The following KIF1A variants were observed in gnomAD, a reference collection of about 807,000 sequenced individuals.
The protein encoded by KIF1A is kinesin family member 1A, also known as kinesin-like protein KIF1A.
Under a neutral mutation model 227.3 loss-of-function variants are expected in KIF1A, and 46 were observed. The ratio of observed to expected loss-of-function variants is 0.20; its 90% CI spans 0.16 to 0.26. The LOEUF is 0.26. KIF1A is among the 10% of genes least tolerant of loss of function. The probability of loss-of-function intolerance (pLI) is 1.00; values close to 1 mark genes in which losing one functional copy is unlikely to be tolerated. For missense variants in KIF1A, 1,683 were observed against 2,485.9 expected, an observed-to-expected ratio of 0.68 and a Z score of 6.87; for synonymous variants, 1,022 against 1,012.8, an observed-to-expected ratio of 1.01 and a Z score of -0.17.
chr2:240,801,013 T>C (rs2126170046), intron 1 of KIF1A, among the ~76,000 whole-genome samples: 1 of 152,324 alleles, frequency 6.6e-6, no homozygotes, highest in South Asian at 2.1e-4. Flanking sequence ...TTTTTATTTT[T>C]ATTTTTTCAA....
At chr2:240,746,812 T>G (rs988104066) in intron 29 of KIF1A, among the ~76,000 whole-genome samples, 1 of 152,038 alleles carries the variant, frequency 6.6e-6, no homozygotes, top group Non-Finnish European at 1.5e-5. Flanking sequence ...GGACCGCAGG[T>G]AGGCAGCCTC....
At chr2:240,762,845 G>A (rs1159954764) in intron 22 of KIF1A, 33 bp from the exon 23 acceptor site, 2 of 1,545,564 alleles carry the variant, frequency 1.3e-6, no homozygotes, top group South Asian at 2.4e-5. Context: ...CTCCACTACG[G>A]CCCTACCTGC....
rs2052571318 is a variant in KIF1A at position 240,775,130 on chromosome 2, A to G, written c.958+721T>C. On this transcript the variant is annotated intron_variant, in intron 11 of 48. Transcript: ENST00000498729. This position sits in a 1 kb window ranked among gnomAD's most constrained non-coding sequence, Gnocchi z 5.5. Reference sequence around the variant, plus strand: ...CCTCCTCTCTCAGCGGGGCCCATCCATCCGCAGGCCTGCTGCGGTCTGCAA... The same window carrying G: ...CCTCCTCTCTCAGCGGGGCCCATCCGTCCGCAGGCCTGCTGCGGTCTGCAA... Among the ~76,000 whole-genome samples the G allele has an allele frequency of 6.6e-6, 1 of 152,204 alleles. No individual in the cohort carries two copies. Among genetic ancestry groups the G allele is most frequent in the Admixed American group, 6.5e-5 (1 of 15,288 alleles).
rs535400101 is a variant in KIF1A, at chr2:240,778,814, A to G, written c.883-2888T>C. Among the ~76,000 whole-genome samples, 7 of 151,102 alleles carry G rather than the reference A, an allele frequency of 4.6e-5. No individual in the cohort carries two copies. Among genetic ancestry groups the G allele is most frequent in the Non-Finnish European group, 8.9e-5 (6 of 67,770 alleles). On this transcript the variant is annotated intron_variant, in intron 10 of 48. Transcript: ENST00000498729. The surrounding 1 kb of genome is among the most constrained non-coding windows in gnomAD (Gnocchi z 7.2). ...CCTCACCGCTCCCCACGTTTCCCAA[A>G]CAGCTCCTCCCGCCATGGCTCACAC...
In KIF1A at chr2:240,797,806, G is replaced by T; in HGVS notation, c.-54C>A. 3 of 1,079,680 alleles carry T rather than the reference G, an allele frequency of 2.8e-6. No homozygotes were observed. The highest frequency in any genetic ancestry group is 2.5e-5 in the East Asian group (1 of 40,278). The allele number at this position is 1,079,680 out of a possible 1,614,324, so 66.9% of individuals were successfully genotyped here. A position where few individuals can be genotyped will look rare whatever the true frequency, so the allele number is the denominator to read the frequency against. On this transcript the variant is annotated 5_prime_UTR_variant, in exon 2 of 49. Coordinates refer to ENST00000498729, the MANE Select transcript of KIF1A (RefSeq NM_001244008.2). ...CAGTAGTGGGAGCCCCAGTGTGGGG[G>T]GAACACCTTGGAAAAAAGGGAAACA... is the stretch of plus-strand genomic sequence containing the variant.
chr2:240,790,977 G>A lies in KIF1A; in HGVS notation c.107-1665C>T, dbSNP rs370540922. 6.6e-6 allele frequency among the ~76,000 whole-genome samples: 1 copy of A among 152,168 alleles called. No individual in the cohort carries two copies. The highest frequency in any genetic ancestry group is 6.5e-5 in the Admixed American group (1 of 15,276). Reference sequence around the variant, plus strand: ...CCTCTGGCCAAGCGTCTTGCTGACAGCACAGGCATCACTGGCAGCCTTGTC... The same window carrying A: ...CCTCTGGCCAAGCGTCTTGCTGACAACACAGGCATCACTGGCAGCCTTGTC... On this transcript the variant is annotated intron_variant, in intron 2 of 48. Transcript: ENST00000498729. This position sits in a 1 kb window ranked among gnomAD's most constrained non-coding sequence, Gnocchi z 5.0.
At position 240,736,590 on chromosome 2, in the gene KIF1A, A is replaced by G. The variant is rs1210006937; in HGVS notation, c.4007+473T>C. Among the ~76,000 whole-genome samples the G allele has an allele frequency of 6.6e-6, 1 of 152,158 alleles. No homozygotes were observed. The highest frequency in any genetic ancestry group is 1.5e-5 in the Non-Finnish European group (1 of 68,020). Reference sequence around the variant, plus strand: ...CCAGACTGTGGGGTCTTGGCCGTGCAAGGAGTGTAGGAAGGAGCAGCCTGG... The same window carrying G: ...CCAGACTGTGGGGTCTTGGCCGTGCGAGGAGTGTAGGAAGGAGCAGCCTGG... On this transcript the variant is annotated intron_variant, in intron 38 of 48. Coordinates refer to ENST00000498729, the MANE Select transcript of KIF1A (RefSeq NM_001244008.2). The surrounding 1 kb of genome is among the most constrained non-coding windows in gnomAD (Gnocchi z 4.7).
chr2:240,775,746 G>T lies in KIF1A; in HGVS notation c.958+105C>A. ...TCACCTCCCAGCCTCAGCCCAGAAA[G>T]GGTGAGAGGCCTGCTGGCGACTGGG... is the stretch of plus-strand genomic sequence containing the variant. On this transcript the variant is annotated intron_variant, in intron 11 of 48. Transcript: ENST00000498729. The surrounding 1 kb of genome is among the most constrained non-coding windows in gnomAD (Gnocchi z 5.5). 1.3e-6 allele frequency: 1 copy of T among 773,322 alleles called. No homozygotes were observed. Among genetic ancestry groups the T allele is most frequent in the Non-Finnish European group, 2.3e-6 (1 of 436,592 alleles). The allele number at this position is 773,322 out of a possible 1,614,324, so 47.9% of individuals were successfully genotyped here.
rs1029622005 is a variant in KIF1A at position 240,775,452 on chromosome 2, G to A, written c.958+399C>T. On this transcript the variant is annotated intron_variant, in intron 11 of 48. Transcript: ENST00000498729. This position sits in a 1 kb window ranked among gnomAD's most constrained non-coding sequence, Gnocchi z 5.5. ...CTCAGAACTCAGACGGAGAAGAGGA[G>A]GTTTATGGCAGCCCCTCAAAATCCA... Among the ~76,000 whole-genome samples the A allele has an allele frequency of 2.6e-5, 4 of 152,326 alleles. 1 individual carries two copies. In the South Asian group the frequency reaches 8.3e-4, roughly 32 times the overall value.
chr2:240,776,039 G>T, intron 10 of KIF1A, 113 bp from the exon 11 acceptor site: 1 of 763,396 alleles, frequency 1.3e-6, no homozygotes, highest in South Asian at 1.5e-5. Flanking sequence ...GCTGGGCAAG[G>T]GGCGGGGCCC....
chr2:240,742,732 C>A (rs1235357023), intron 34 of KIF1A, among the ~76,000 whole-genome samples, 197 bp downstream of exon 34: 1 of 152,218 alleles, frequency 6.6e-6, no homozygotes. Flanking sequence ...CAGCTCCAGG[C>A]TACTCTCTGG....
In KIF1A at chr2:240,719,777, A is replaced by G. The variant is rs1423611277; in HGVS notation, c.5018T>C (p.Val1673Ala). The G allele has an allele frequency of 2.5e-6, 4 of 1,579,666 alleles. No individual in the cohort carries two copies. Among genetic ancestry groups the G allele is most frequent in the Middle Eastern group, 1.7e-4 (1 of 5,814 alleles). ...TTTCCAGGGAGGCCCCACACACCTGACTCGGATCTCCTGGATGTCAGGGAC... is the reference window on the plus strand; with the variant it reads ...TTTCCAGGGAGGCCCCACACACCTGGCTCGGATCTCCTGGATGTCAGGGAC... ...LLVPDIQEIR[V>A]SPIVSKKGYL... Residue 1673 changes from valine to alanine, a missense_variant, in exon 46 of 49, where the codon GTC (valine) becomes GCC (alanine). This residue lies in a region of KIF1A where 384 missense variants were observed against 410.1 expected (regional missense o/e 0.94). Coordinates refer to ENST00000498729, the MANE Select transcript of KIF1A (RefSeq NM_001244008.2).
At chr2:240,786,137 T>C (rs1335768710) in intron 6 of KIF1A, among the ~76,000 whole-genome samples, 198 bp downstream of exon 6, 1 of 152,150 alleles carries the variant, frequency 6.6e-6, no homozygotes, top group East Asian at 1.9e-4. Flanking sequence ...GAGGTGACAG[T>C]GTCCCCTGCA....
chr2:240,800,925 C>T (rs1247668879), intron 1 of KIF1A, among the ~76,000 whole-genome samples: 2 of 152,188 alleles, frequency 1.3e-5, no homozygotes, highest in Non-Finnish European at 2.9e-5. Flanking sequence ...AACCTGCCCT[C>T]GCTTGGTTTA....
Position 240,782,947 on chromosome 2 carries a change from C to G in KIF1A, c.864+97G>C, listed in dbSNP as rs991024408. 1.5e-5 allele frequency: 16 copies of G among 1,040,050 alleles called. No homozygotes were observed. The African/African-American group carries it at 2.2e-4, about 14-fold the overall frequency. 64.4% of individuals were successfully genotyped at this position (1,040,050 alleles called of 1,614,324 possible). On this transcript the variant is annotated intron_variant, in intron 9 of 48. Transcript: ENST00000498729. ...GCTCTCCCTTGAACCTGGCCACCTC[C>G]CAGACACAGGGCCCGGAAACGAGGG...
chr2:240,784,736 G>C (rs1444747647), intron 7 of KIF1A, among the ~76,000 whole-genome samples: 4 of 152,146 alleles, frequency 2.6e-5, no homozygotes, highest in Non-Finnish European at 5.9e-5. Flanking sequence ...TGGACTGGCT[G>C]TCCAGGCAAA....
intron 4 of KIF1A, 97 bp downstream of exon 4, chr2:240,787,954 G>T: frequency 8.4e-7 from 1 of 1,196,610 alleles, no homozygotes; most frequent in South Asian, 1.4e-5. Flanking sequence ...CCTGCTCTCT[G>T]GGGGCTGCTC....
chr2:240,722,952 C>T (rs1430870089), intron 42 of KIF1A, among the ~76,000 whole-genome samples: 1 of 152,196 alleles, frequency 6.6e-6, no homozygotes, highest in South Asian at 2.1e-4. Flanking sequence ...GGCTGTGCTG[C>T]CTTGCAGTGC....
chr2:240,765,621 G>T, intron 20 of KIF1A, 89 bp downstream of exon 20: 1 of 1,049,048 alleles, frequency 9.5e-7, no homozygotes, highest in Non-Finnish European at 1.5e-6. Flanking sequence ...CCCGCACAGT[G>T]CACAGGAGGC....
Sources: allele counts gnomAD v4.1 joint callset (sites outside exome capture counted in the v4.1 genomes callset), GRCh38; gene constraint gnomAD v4.1.1; regional missense constraint gnomAD v4.1.1; non-coding constraint Gnocchi (gnomAD v3.1); transcripts MANE v1.5; gene names NCBI Gene and HGNC (gene_info 2026-07-23, HGNC 2026-07-21).